Variants in PDS5A observed in about 807,000 individuals in gnomAD.
PDS5A encodes the protein PDS5 cohesin associated factor A, also known as sister chromatid cohesion protein PDS5 homolog A.
In PDS5A, 42 loss-of-function variants were observed where a neutral mutation model predicts 167.1. The ratio of observed to expected loss-of-function variants is 0.25; its 90% CI spans 0.20 to 0.33. The LOEUF (loss-of-function observed/expected upper bound fraction) is 0.33, where lower values mean the gene tolerates loss of function less well. Among genes scored for constraint, PDS5A ranks in the 10% least tolerant of loss-of-function variants. The pLI, the probability that PDS5A is intolerant of heterozygous loss-of-function variation, is 1.00. For missense variants in PDS5A, 1,033 were observed against 1,605.9 expected, an observed-to-expected ratio of 0.64 and a Z score of 6.10; for synonymous variants, 553 against 554.6, an observed-to-expected ratio of 1.00 and a Z score of 0.04.
chr4:39,967,004 A>G (rs1207350106), intron 2 of PDS5A, among the ~76,000 whole-genome samples: 2 of 151,342 alleles, frequency 1.3e-5, no homozygotes, highest in Admixed American at 1.3e-4. Context: ...TTCAAAAAAT[A>G]AAGAAAAAAA....
At chr4:39,937,047 T>A (rs185176134) in intron 2 of PDS5A, among the ~76,000 whole-genome samples, 1 of 152,300 alleles carries the variant, frequency 6.6e-6, no homozygotes. Flanking sequence ...CATATCACTG[T>A]GTTCACCAAC....
At chr4:39,887,539 T>C (rs1328697520) in intron 17 of PDS5A, among the ~76,000 whole-genome samples, 1 of 152,146 alleles carries the variant, frequency 6.6e-6, no homozygotes, top group Non-Finnish European at 1.5e-5. Flanking sequence ...TGTATCTATG[T>C]TCATCAGTGA....
At chr4:39,927,620 T>C (rs2109734674) in intron 3 of PDS5A, among the ~76,000 whole-genome samples, 1 of 152,338 alleles carries the variant, frequency 6.6e-6, no homozygotes, top group East Asian at 1.9e-4. Flanking sequence ...AATATGTAAA[T>C]TCTGGTATGC....
At chr4:39,939,490 T>A (rs13113774) in intron 2 of PDS5A, among the ~76,000 whole-genome samples, 24 of 67,006 alleles carry the variant, frequency 3.6e-4, no homozygotes, top group East Asian at 2.0e-3. Flanking sequence ...AAAAAAAAAA[T>A]TTTTTTTAAA....
intron 32 of PDS5A, among the ~76,000 whole-genome samples, chr4:39,829,982 A>AAAAAAC (rs1715703178): frequency 8.0e-6 from 1 of 125,244 alleles, no homozygotes; most frequent in Non-Finnish European, 1.7e-5. Context: ...AAAAAAAAAA[A>AAAAAAC]AAGAAATTTC....
At chr4:39,825,559 C>T in intron 32 of PDS5A, 71 bp from the exon 33 acceptor site, 2 of 1,023,220 alleles carry the variant, frequency 2.0e-6, no homozygotes, top group East Asian at 2.8e-5. Context: ...AAAATGATTT[C>T]ATTTCCATAG....
At chr4:39,961,518 C>A (rs192482032) in intron 2 of PDS5A, among the ~76,000 whole-genome samples, 1 of 152,130 alleles carries the variant, frequency 6.6e-6, no homozygotes, top group East Asian at 1.9e-4. Flanking sequence ...ACCTCGGCCT[C>A]CCAAGATGCT....
chr4:39,926,410 C>A (rs925911139), intron 4 of PDS5A, among the ~76,000 whole-genome samples: 1 of 150,730 alleles, frequency 6.6e-6, no homozygotes, highest in Non-Finnish European at 1.5e-5. Context: ...CTCAGCTACT[C>A]GGGAGGCTGA....
chr4:39,926,632 A>G (rs1055495576), intron 4 of PDS5A, 143 bp downstream of exon 4: 3 of 524,484 alleles, frequency 5.7e-6, no homozygotes, highest in Admixed American at 4.7e-5. Flanking sequence ...AAATAAAATA[A>G]TATTTTCCTT....
chr4:39,953,591 T>G (rs1241158509), intron 2 of PDS5A, among the ~76,000 whole-genome samples: 1 of 151,888 alleles, frequency 6.6e-6, no homozygotes, highest in Non-Finnish European at 1.5e-5. Flanking sequence ...TGTAGCTGGG[T>G]GTAGTGACAC....
intron 18 of PDS5A, among the ~76,000 whole-genome samples, chr4:39,878,098 T>G (rs1254486823): frequency 6.6e-6 from 1 of 152,106 alleles, no homozygotes; most frequent in African/African-American, 2.4e-5. Context: ...TCAGTTAGTG[T>G]AGTATCAAGA....
intron 2 of PDS5A, among the ~76,000 whole-genome samples, chr4:39,943,982 C>T (rs1485592142): frequency 6.6e-6 from 1 of 151,664 alleles, no homozygotes; most frequent in Non-Finnish European, 1.5e-5. Context: ...TTGAAACCAT[C>T]CTGGCTAACA....
Position 39,920,397 on chromosome 4 carries a change from G to A in PDS5A, c.657C>T (p.Asn219=), listed in dbSNP as rs758795288. 1.4e-6 allele frequency: 2 copies of A among 1,463,584 alleles called. No individual in the cohort carries two copies. Among genetic ancestry groups the A allele is most frequent in the Non-Finnish European group, 1.9e-6 (2 of 1,054,034 alleles). The allele number at this position is 1,463,584 out of a possible 1,614,324, so 90.7% of individuals were successfully genotyped here. Residue 219 remains asparagine (N), a splice_region_variant and synonymous_variant, in exon 7 of 33, where the codon AAC becomes AAT. Transcript: ENST00000303538. ...CAAGGTCAAAGGACTGTTTATTTAAGTTCTGAAAAATAATAAAAACATGGA... is the reference window on the plus strand; with the variant it reads ...CAAGGTCAAAGGACTGTTTATTTAAATTCTGAAAAATAATAAAAACATGGA... ...ILINLIPAHK[N]LNKQSFDLAK... is the part of the protein sequence containing the mutation.
intron 26 of PDS5A, among the ~76,000 whole-genome samples, chr4:39,859,997 A>AC (rs1336176379): frequency 6.6e-6 from 1 of 151,856 alleles, no homozygotes; most frequent in Non-Finnish European, 1.5e-5. Flanking sequence ...AATTTGGGAG[A>AC]CCAAGGTGGG....
chr4:39,973,656 C>A, intron 2 of PDS5A: 1 of 1,309,156 alleles, frequency 7.6e-7, no homozygotes, highest in Admixed American at 1.7e-5. Context: ...GAACTGTGGC[C>A]ACAAAACCAT....
At chr4:39,879,903 G>C (rs1720795179) in intron 17 of PDS5A, 70 bp from the exon 18 acceptor site, 1 of 900,138 alleles carries the variant, frequency 1.1e-6, no homozygotes, top group African/African-American at 1.6e-5. Flanking sequence ...CACTGTGACA[G>C]AACATATATA....
At chr4:39,892,017 G>C (rs886289282) in intron 16 of PDS5A, among the ~76,000 whole-genome samples, 3 of 152,036 alleles carry the variant, frequency 2.0e-5, no homozygotes, top group African/African-American at 7.2e-5. Flanking sequence ...AGGCTGAGGT[G>C]GGGGGGATCA....
At chr4:39,887,662 C>A (rs1178207622) in intron 17 of PDS5A, among the ~76,000 whole-genome samples, 4 of 151,998 alleles carry the variant, frequency 2.6e-5, no homozygotes, top group Non-Finnish European at 4.4e-5. Flanking sequence ...GTGATCTGAG[C>A]CAAGTTTGTT....
intron 2 of PDS5A, among the ~76,000 whole-genome samples, chr4:39,956,319 C>CT (rs1204606853): frequency 6.6e-6 from 1 of 151,388 alleles, no homozygotes; most frequent in African/African-American, 2.4e-5. Context: ...TGCTGAAACC[C>CT]TATGTTTACC....
Sources: gnomAD v4.1 joint callset for allele counts (sites outside exome capture counted in the v4.1 genomes callset) on GRCh38, gnomAD v4.1.1 for gene constraint, MANE v1.5 for transcripts, NCBI Gene and HGNC (gene_info 2026-07-23, HGNC 2026-07-21) for gene names.